The following WWC1 variants were observed in gnomAD, a reference collection of about 807,000 sequenced individuals.
WWC1 encodes protein KIBRA.
In WWC1, 55 loss-of-function variants were observed where a neutral mutation model predicts 138.4. The ratio of observed to expected loss-of-function variants is 0.40; its 90% CI spans 0.32 to 0.50. WWC1 has a LOEUF of 0.50. Among genes scored for constraint, WWC1 ranks in the 20% least tolerant of loss-of-function variants. WWC1 has a pLI of 0.72. For synonymous variants in WWC1, 524 were observed against 564.9 expected (o/e 0.93, Z 1.03); for missense variants, 1,226 against 1,420.4 (o/e 0.86, Z 2.20).
At chr5:168,416,306 A>G (rs1384426220) in intron 9 of WWC1, 1 of 152,178 alleles carries the variant, frequency 6.6e-6, no homozygotes. Context: ...ATCCACCACC[A>G]GTTGGTGGGA....
At chr5:168,347,949 CT>C (rs1668488053) in intron 1 of WWC1, among the ~76,000 whole-genome samples, 1 of 152,170 alleles carries the variant, frequency 6.6e-6, no homozygotes, top group Admixed American at 6.5e-5. Context: ...GCTTATCAAG[CT>C]GGGATCTGCC....
In WWC1 at chr5:168,468,263, A is replaced by G. The variant is rs117805967; in HGVS notation, c.3275+299A>G. Among the ~76,000 whole-genome samples, 306 of 152,276 alleles carry G rather than the reference A, an allele frequency of 2.0e-3. 10 individuals carry two copies. In the East Asian group the frequency reaches 0.049, roughly 24 times the overall value. Reference sequence around the variant, plus strand: ...GTGTTTTCCTTACTGGTAATTGTGGAGGGTTGGCTGAATGATAAATAAACC... The same window carrying G: ...GTGTTTTCCTTACTGGTAATTGTGGGGGGTTGGCTGAATGATAAATAAACC... On this transcript the variant is annotated intron_variant, in intron 22 of 22. Transcript: ENST00000265293.
intron 1 of WWC1, among the ~76,000 whole-genome samples, chr5:168,349,602 G>A (rs1304507944): frequency 6.6e-6 from 1 of 152,144 alleles, no homozygotes; most frequent in Non-Finnish European, 1.5e-5. Context: ...GTCGGTAAGT[G>A]GCCACGTCAA....
At position 168,392,350 on chromosome 5, in the gene WWC1, G is replaced by A. The variant is rs528738391; in HGVS notation, c.434-5374G>A. On this transcript the variant is annotated intron_variant, in intron 3 of 22. Coordinates refer to ENST00000265293, the MANE Select transcript of WWC1 (RefSeq NM_015238.3). ...GAGATATAAAGAGAAAAGCTGGAAAGACACTGACATTGAGGATTCCTGGAT... is the reference window on the plus strand; with the variant it reads ...GAGATATAAAGAGAAAAGCTGGAAAAACACTGACATTGAGGATTCCTGGAT... Among the ~76,000 whole-genome samples, 31 of 152,260 alleles carry A rather than the reference G, an allele frequency of 2.0e-4. 1 individual carries two copies. The South Asian group carries it at 6.2e-3, about 31-fold the overall frequency.
chr5:168,375,186 A>C (rs1213804326), intron 2 of WWC1, among the ~76,000 whole-genome samples: 3 of 152,164 alleles, frequency 2.0e-5, no homozygotes, highest in African/African-American at 7.2e-5. Flanking sequence ...AAAGACACTA[A>C]GTTGGTTGGG....
At chr5:168,451,923 T>TTTTTG (rs1755862129) in intron 17 of WWC1, among the ~76,000 whole-genome samples, 2 of 125,140 alleles carry the variant, frequency 1.6e-5, no homozygotes, top group Admixed American at 8.4e-5. Flanking sequence ...TTTTTTTTTT[T>TTTTTG]GAGGTGGAGT....
chr5:168,339,969 GTCTCTCTT>G (rs1291848659), intron 1 of WWC1, among the ~76,000 whole-genome samples: 75 of 92,808 alleles, frequency 8.1e-4, no homozygotes, highest in African/African-American at 2.9e-3. Flanking sequence ...CTCTCTCTCT[GTCTCTCTT>G]TCTCTCTTTC....
At chr5:168,303,794 G>C (rs923149223) in intron 1 of WWC1, among the ~76,000 whole-genome samples, 1 of 152,142 alleles carries the variant, frequency 6.6e-6, no homozygotes, top group African/African-American at 2.4e-5. Flanking sequence ...CTGCTCGGGA[G>C]AGGAAGGGTC....
Position 168,410,146 on chromosome 5 carries a change from T to A in WWC1, c.941+151T>A. 5 of 790,900 alleles carry A rather than the reference T, an allele frequency of 6.3e-6. No homozygotes were observed. In the South Asian group the frequency reaches 7.1e-5, roughly 11 times the overall value. The allele number at this position is 790,900 out of a possible 1,614,324, so 49.0% of individuals were successfully genotyped here. A position where few individuals can be genotyped will look rare whatever the true frequency, so the allele number is the denominator to read the frequency against. ...AGTTATTATACTTTTTATATTTTCA[T>A]CCTCTCTGAAATTCAGAGAGGAAAT... On this transcript the variant is annotated intron_variant, in intron 8 of 22. Coordinates refer to ENST00000265293, the MANE Select transcript of WWC1 (RefSeq NM_015238.3).
At chr5:168,409,264 G>A (rs1015981647) in intron 7 of WWC1, among the ~76,000 whole-genome samples, 1 of 152,164 alleles carries the variant, frequency 6.6e-6, no homozygotes, top group South Asian at 2.1e-4. Flanking sequence ...CCTCTGTGGC[G>A]GACAGCCTCT....
chr5:168,415,966 G>A (rs1426407402), intron 9 of WWC1: 1 of 152,042 alleles, frequency 6.6e-6, no homozygotes, highest in Non-Finnish European at 1.5e-5. Flanking sequence ...TGCCTCAGTG[G>A]AAGCAGTCGG....
intron 1 of WWC1, among the ~76,000 whole-genome samples, chr5:168,363,029 G>T (rs1223551309): frequency 4.6e-5 from 7 of 152,158 alleles, no homozygotes; most frequent in South Asian, 2.1e-4. Flanking sequence ...ACAGAGTAGG[G>T]AAACAAGGAG....
chr5:168,328,541 G>A (rs1772761078), intron 1 of WWC1, among the ~76,000 whole-genome samples: 1 of 151,978 alleles, frequency 6.6e-6, no homozygotes, highest in Admixed American at 6.6e-5. Context: ...GGTGGGTGTG[G>A]GGAGTTTTTT....
chr5:168,356,507 C>T (rs962131769), intron 1 of WWC1, among the ~76,000 whole-genome samples: 5 of 152,200 alleles, frequency 3.3e-5, no homozygotes, highest in African/African-American at 9.6e-5. Flanking sequence ...GAGAATTCCC[C>T]GGCCCACACC....
rs912918528 is a variant in WWC1, at chr5:168,428,035, G to A, written c.1813G>A (p.Val605Met). The A allele has an allele frequency of 1.2e-6, 2 of 1,613,126 alleles. No individual in the cohort carries two copies. The highest frequency in any genetic ancestry group is 1.7e-5 in the Admixed American group (1 of 59,960). Residue 605 changes from valine (V) to methionine (M), a missense_variant and splice_region_variant, in exon 12 of 23, where the codon GTG (valine) becomes ATG (methionine). Coordinates refer to ENST00000265293, the MANE Select transcript of WWC1 (RefSeq NM_015238.3). ...GTEGKQLGQAVNTAQGCGLKV... is the reference protein window; with the variant it reads ...GTEGKQLGQAMNTAQGCGLKV... ...GCCTTTCCATTTTCCTTCCCTAGCT[G>A]TGAATACGGCCCAGGGGTGTGGCCT...
intron 3 of WWC1, among the ~76,000 whole-genome samples, chr5:168,388,127 T>G (rs1393086624): frequency 6.6e-6 from 1 of 152,148 alleles, no homozygotes; most frequent in Non-Finnish European, 1.5e-5. Flanking sequence ...GTGGTAAAAT[T>G]AGCATGACCA....
chr5:168,360,919 C>T (rs528124914), intron 1 of WWC1, among the ~76,000 whole-genome samples: 1 of 152,212 alleles, frequency 6.6e-6, no homozygotes, highest in African/African-American at 2.4e-5. Context: ...GCTGATGAGG[C>T]TTCTAGACAG....
At chr5:168,374,161 T>C (rs962237206) in intron 2 of WWC1, among the ~76,000 whole-genome samples, 1 of 152,166 alleles carries the variant, frequency 6.6e-6, no homozygotes, top group Non-Finnish European at 1.5e-5. Flanking sequence ...TGGCCAACTC[T>C]TCTGGGAGCT....
chr5:168,436,326 A>G (rs1782349048), intron 15 of WWC1, among the ~76,000 whole-genome samples: 2 of 152,104 alleles, frequency 1.3e-5, no homozygotes. Context: ...TCGCTCTTCC[A>G]GTGTTCTCCC....
Sources: allele counts gnomAD v4.1 joint callset (sites outside exome capture counted in the v4.1 genomes callset), GRCh38; gene constraint gnomAD v4.1.1; transcripts MANE v1.5; gene names NCBI Gene and HGNC (gene_info 2026-07-23, HGNC 2026-07-21).